The following FBXW4 variants were observed in gnomAD, a reference collection of about 807,000 sequenced individuals.
The protein encoded by FBXW4 is F-box and WD repeat domain containing 4.
FBXW4 carries 40 observed loss-of-function variants against 61.8 expected under a neutral mutation model. The observed-to-expected ratio is 0.65, with a 90% CI of 0.50 to 0.84. FBXW4 has a LOEUF of 0.84. Among genes scored for constraint, FBXW4 ranks in the 40% least tolerant of loss-of-function variants. The probability of loss-of-function intolerance (pLI) is 0.00; values close to 1 mark genes in which losing one functional copy is unlikely to be tolerated. For synonymous variants in FBXW4, 311 were observed against 313.8 expected, an observed-to-expected ratio of 0.99 and a Z score of 0.10; for missense variants, 672 against 753.8, an observed-to-expected ratio of 0.89 and a Z score of 1.27.
At chr10:101,677,153 T>C (rs925036248) in intron 1 of FBXW4, among the ~76,000 whole-genome samples, 1 of 152,208 alleles carries the variant, frequency 6.6e-6, no homozygotes, top group Non-Finnish European at 1.5e-5. Flanking sequence ...CAGTTTATTA[T>C]AAATCTAAAC....
chr10:101,662,173 A>G (rs1416098846), intron 5 of FBXW4, among the ~76,000 whole-genome samples: 3 of 152,206 alleles, frequency 2.0e-5, no homozygotes, highest in Admixed American at 6.5e-5. Flanking sequence ...TTCACTAAAG[A>G]AAGATGTATT....
At chr10:101,618,388 G>T (rs1231714052) in intron 6 of FBXW4, among the ~76,000 whole-genome samples, 1 of 152,194 alleles carries the variant, frequency 6.6e-6, no homozygotes, top group Non-Finnish European at 1.5e-5. Context: ...AGAGCGAGCA[G>T]GGTTTCATTA....
At chr10:101,691,256 G>A (rs1378571342) in intron 1 of FBXW4, among the ~76,000 whole-genome samples, 2 of 152,120 alleles carry the variant, frequency 1.3e-5, no homozygotes, top group Non-Finnish European at 2.9e-5. Flanking sequence ...TGGGGTGCAT[G>A]CCTTCTCCCT....
chr10:101,657,520 G>T (rs2064197617), intron 5 of FBXW4, among the ~76,000 whole-genome samples: 1 of 151,512 alleles, frequency 6.6e-6, no homozygotes, highest in Non-Finnish European at 1.5e-5. Flanking sequence ...TGTAGTACCA[G>T]CTACTTGGGG....
chr10:101,612,197 A>T, intron 7 of FBXW4, 140 bp downstream of exon 7: 1 of 1,039,458 alleles, frequency 9.6e-7, no homozygotes, highest in Non-Finnish European at 1.3e-6. Context: ...TAGGAAGTCT[A>T]GTGACCTTGC....
At chr10:101,612,124 C>T (rs1439517879) in intron 7 of FBXW4, among the ~76,000 whole-genome samples, 5 of 152,202 alleles carry the variant, frequency 3.3e-5, no homozygotes, top group South Asian at 4.1e-4. Context: ...CTCTGGGAAA[C>T]GCCTGCCTTT....
At chr10:101,689,793 A>G (rs1485226264) in intron 1 of FBXW4, among the ~76,000 whole-genome samples, 6 of 152,216 alleles carry the variant, frequency 3.9e-5, no homozygotes, top group Non-Finnish European at 5.9e-5. Context: ...ATCTGTGTCT[A>G]TCTCACCACT....
chr10:101,673,179 A>T, intron 3 of FBXW4, 132 bp from the exon 4 acceptor site: 1 of 1,149,234 alleles, frequency 8.7e-7, no homozygotes, highest in Non-Finnish European at 1.2e-6. Context: ...TCAGCCCAGT[A>T]AGGTGCTGAC....
intron 5 of FBXW4, among the ~76,000 whole-genome samples, chr10:101,644,446 C>T (rs1307725188): frequency 6.6e-6 from 1 of 152,208 alleles, no homozygotes; most frequent in Non-Finnish European, 1.5e-5. Context: ...TTGACTTGTA[C>T]TTAGCACCAC....
chr10:101,644,544 G>C (rs568282687), intron 5 of FBXW4, among the ~76,000 whole-genome samples: 1 of 152,210 alleles, frequency 6.6e-6, no homozygotes, highest in Non-Finnish European at 1.5e-5. Flanking sequence ...CTATGCAGCA[G>C]GGTGGCCACA....
At position 101,672,421 on chromosome 10, in the gene FBXW4, A is replaced by G. The variant is rs189108636; in HGVS notation, c.1140+494T>C. On this transcript the variant is annotated intron_variant, in intron 4 of 8. Coordinates refer to ENST00000331272, the MANE Select transcript of FBXW4 (RefSeq NM_022039.4). Reference sequence around the variant, plus strand: ...GCAATTTGGCAAAGATGCAACAAACAACACCCCTCTCTCATCGTCTCTGCT... The same window carrying G: ...GCAATTTGGCAAAGATGCAACAAACGACACCCCTCTCTCATCGTCTCTGCT... 1.3e-3 allele frequency among the ~76,000 whole-genome samples: 202 copies of G among 152,264 alleles called. 2 individuals carry two copies. The East Asian group carries it at 0.028, about 21-fold the overall frequency.
chr10:101,619,811 A>G (rs2063854307), intron 6 of FBXW4, among the ~76,000 whole-genome samples: 1 of 152,106 alleles, frequency 6.6e-6, no homozygotes, highest in Non-Finnish European at 1.5e-5. Context: ...TGCAAGGAGA[A>G]CAGTCTCTAG....
chr10:101,641,611 G>C (rs2064053735), intron 5 of FBXW4, among the ~76,000 whole-genome samples: 1 of 141,230 alleles, frequency 7.1e-6, no homozygotes, highest in South Asian at 2.4e-4. Flanking sequence ...AATTCACATA[G>C]TGCATGTAAG....
Position 101,629,404 on chromosome 10 carries a change from AC to A in FBXW4, c.1236-4595del, listed in dbSNP as rs957437521. ...GTTCATGCCATTCTCCTGCCTCAGC[AC>A]CCCCAGTAGCTGAGTTAACAGGTGC... On this transcript the variant is annotated intron_variant, in intron 5 of 8. Coordinates refer to ENST00000331272, the MANE Select transcript of FBXW4 (RefSeq NM_022039.4). 3.3e-5 allele frequency among the ~76,000 whole-genome samples: 5 copies of A among 151,346 alleles called. No individual in the cohort carries two copies. In the South Asian group the frequency reaches 6.3e-4, roughly 19 times the overall value.
In FBXW4 at chr10:101,694,977, T is replaced by TCCCTAC; in HGVS notation, c.128_129insGTAGGG (p.Gly43_Lys44insTer). On this transcript the variant is annotated stop_gained and inframe_insertion, in exon 1 of 9. Coordinates refer to ENST00000331272, the MANE Select transcript of FBXW4 (RefSeq NM_022039.4). LOFTEE classifies it high-confidence loss of function. This position sits in a 1 kb window ranked among gnomAD's most constrained non-coding sequence, Gnocchi z 6.0. ...TTCCGCCTTGCCCCGCTCTCGCTTT[T>TCCCTAC]CCCTTCCCCTTCCCCTTCCTTCGCT... 8.5e-7 allele frequency: 1 copy of TCCCTAC among 1,181,598 alleles called. No homozygotes were observed. The highest frequency in any genetic ancestry group is 1.0e-6 in the Non-Finnish European group (1 of 954,836). The allele number at this position is 1,181,598 out of a possible 1,614,324, so 73.2% of individuals were successfully genotyped here.
chr10:101,686,194 G>A (rs1415979244), intron 1 of FBXW4, among the ~76,000 whole-genome samples: 1 of 152,118 alleles, frequency 6.6e-6, no homozygotes, highest in African/African-American at 2.4e-5. Context: ...CAGTATGTGT[G>A]TTCTGCAAGA....
intron 5 of FBXW4, among the ~76,000 whole-genome samples, chr10:101,656,925 A>C (rs1368453980): frequency 6.6e-6 from 1 of 152,040 alleles, no homozygotes; most frequent in East Asian, 1.9e-4. Context: ...TCCCCCCTAC[A>C]CTTTTCTGTG....
chr10:101,617,287 C>CA (rs1451765820), intron 6 of FBXW4, among the ~76,000 whole-genome samples: 4 of 152,154 alleles, frequency 2.6e-5, no homozygotes, highest in African/African-American at 9.7e-5. Flanking sequence ...TGGCACTCCC[C>CA]ACCTTCACAG....
At chr10:101,677,864 T>G (rs559168868) in intron 1 of FBXW4, among the ~76,000 whole-genome samples, 1 of 151,730 alleles carries the variant, frequency 6.6e-6, no homozygotes, top group Non-Finnish European at 1.5e-5. Flanking sequence ...AAATTCACTG[T>G]ATATATTTTT....
Sources: allele counts gnomAD v4.1 joint callset (sites outside exome capture counted in the v4.1 genomes callset), GRCh38; gene constraint gnomAD v4.1.1; non-coding constraint Gnocchi (gnomAD v3.1); transcripts MANE v1.5; gene names NCBI Gene and HGNC (gene_info 2026-07-23, HGNC 2026-07-21).